The following MAGI3 variants were observed in gnomAD, a reference collection of about 807,000 sequenced individuals.
MAGI3 encodes membrane-associated guanylate kinase, WW and PDZ domain-containing protein 3.
MAGI3 carries 43 observed loss-of-function variants against 121.8 expected under a neutral mutation model. That is an observed-to-expected ratio of 0.35 (90% CI 0.28 to 0.46). MAGI3 has a LOEUF of 0.46. MAGI3 is among the 20% of genes least tolerant of loss of function. The pLI is 1.00. For missense variants in MAGI3, 1,547 were observed against 1,797.3 expected, an observed-to-expected ratio of 0.86 and a Z score of 2.52; for synonymous variants, 553 against 639.3, an observed-to-expected ratio of 0.86 and a Z score of 2.04.
chr1:113,525,157 G>A (rs1658393371), intron 1 of MAGI3, among the ~76,000 whole-genome samples: 1 of 152,162 alleles, frequency 6.6e-6, no homozygotes, highest in Non-Finnish European at 1.5e-5. Context: ...TCCAGTCTCA[G>A]GTTATGTCTT....
At chr1:113,406,128 T>TA (rs1409815652) in intron 1 of MAGI3, among the ~76,000 whole-genome samples, 1 of 151,646 alleles carries the variant, frequency 6.6e-6, no homozygotes, top group African/African-American at 2.4e-5. Context: ...ACCCCATCTT[T>TA]AAAAAAATCA....
intron 6 of MAGI3, among the ~76,000 whole-genome samples, chr1:113,599,506 C>A (rs1649234174): frequency 6.6e-6 from 1 of 152,124 alleles, no homozygotes; most frequent in African/African-American, 2.4e-5. Flanking sequence ...ATACACCCTC[C>A]CAAGACTAAA....
At chr1:113,626,204 A>G (rs1218316468) in intron 9 of MAGI3, among the ~76,000 whole-genome samples, 5 of 152,182 alleles carry the variant, frequency 3.3e-5, no homozygotes, top group Non-Finnish European at 7.3e-5. Context: ...ACCTCAGGTG[A>G]TCCATCTGCT....
rs1293030117 is a variant in MAGI3, at chr1:113,651,025, G to T, written c.2259G>T (p.Gly753=). The T allele has an allele frequency of 2.5e-6, 4 of 1,613,756 alleles. No individual in the cohort carries two copies. The East Asian group carries it at 6.7e-5, about 27-fold the overall frequency. The change falls in exon 14 of 21, where the codon GGG becomes GGT. Residue 753 remains glycine, a synonymous_variant. Coordinates refer to ENST00000307546, the MANE Select transcript of MAGI3 (RefSeq NM_001142782.2). ...GDGPDQSIYI[G]AIIPLGAAEK... is the part of the protein sequence containing the mutation. ...TGTTATCTTATCAGATATATATTGGGGCTATTATTCCCCTGGGAGCAGCTG... is the reference window on the plus strand; with the variant it reads ...TGTTATCTTATCAGATATATATTGGTGCTATTATTCCCCTGGGAGCAGCTG...
At chr1:113,682,309 T>G (rs1340138599) in intron 20 of MAGI3, 1 of 1,587,238 alleles carries the variant, frequency 6.3e-7, no homozygotes, top group South Asian at 1.2e-5. Context: ...CTTGGTAAAT[T>G]TGCATGTCTT....
intron 8 of MAGI3, among the ~76,000 whole-genome samples, chr1:113,622,251 A>T (rs1264849237): frequency 6.6e-6 from 1 of 152,114 alleles, no homozygotes; most frequent in Non-Finnish European, 1.5e-5. Flanking sequence ...GGTTGAGGAG[A>T]AGAGAGAAGA....
chr1:113,617,390 G>A (rs1253071231), intron 7 of MAGI3, among the ~76,000 whole-genome samples: 1 of 152,102 alleles, frequency 6.6e-6, no homozygotes, highest in Non-Finnish European at 1.5e-5. Flanking sequence ...AAAATTTGTT[G>A]TGTCTTAATA....
chr1:113,510,060 C>T (rs1657538814), intron 1 of MAGI3, among the ~76,000 whole-genome samples: 1 of 152,080 alleles, frequency 6.6e-6, no homozygotes, highest in Non-Finnish European at 1.5e-5. Flanking sequence ...TTGGAATGAG[C>T]GTGACACCAT....
intron 1 of MAGI3, among the ~76,000 whole-genome samples, chr1:113,520,646 C>T (rs114955673): frequency 0.023 from 3,530 of 152,060 alleles, 135 homozygotes; most frequent in African/African-American, 0.081. Context: ...ACTCTGTCAC[C>T]TAGGCTAGAG....
intron 2 of MAGI3, among the ~76,000 whole-genome samples, chr1:113,560,527 T>A (rs1570863194): frequency 6.6e-6 from 1 of 152,094 alleles, no homozygotes. Context: ...CTTGGGTAAA[T>A]AATGAAATTA....
intron 9 of MAGI3, among the ~76,000 whole-genome samples, chr1:113,639,497 G>A (rs886534809): frequency 5.9e-5 from 9 of 152,178 alleles, no homozygotes; most frequent in South Asian, 2.1e-4. Flanking sequence ...CGCCTCCTGC[G>A]TTCAAGTGAT....
At chr1:113,587,484 C>A (rs779671195) in intron 4 of MAGI3, among the ~76,000 whole-genome samples, 2 of 152,190 alleles carry the variant, frequency 1.3e-5, no homozygotes, top group Non-Finnish European at 2.9e-5. Context: ...GCGTGAGCCA[C>A]CGTGCCCAGC....
chr1:113,475,243 T>C (rs760205878), intron 1 of MAGI3, among the ~76,000 whole-genome samples: 2 of 152,238 alleles, frequency 1.3e-5, no homozygotes, highest in Non-Finnish European at 2.9e-5. Context: ...TTCTCTTGCC[T>C]GATTGCCCCA....
chr1:113,628,094 C>G (rs1651353130), intron 9 of MAGI3, among the ~76,000 whole-genome samples: 1 of 152,054 alleles, frequency 6.6e-6, no homozygotes. Flanking sequence ...GTGATTGTCT[C>G]TTCCTTATTT....
chr1:113,682,815 A>G lies in MAGI3; in HGVS notation c.3329-82A>G, dbSNP rs932183585. ...CTTTTTAAGCAGTTACGACAATTCA[A>G]ATGGCTGTCAAAGTTCAAAACGTAT... On this transcript the variant is annotated intron_variant, in intron 20 of 20. Coordinates refer to ENST00000307546, the MANE Select transcript of MAGI3 (RefSeq NM_001142782.2). The G allele has an allele frequency of 2.6e-5, 38 of 1,458,810 alleles. No homozygotes were observed. The East Asian group carries it at 6.8e-4, about 26-fold the overall frequency. The allele number at this position is 1,458,810 out of a possible 1,614,324, so 90.4% of individuals were successfully genotyped here.
chr1:113,504,555 CACTT>C (rs1657214245), intron 1 of MAGI3, among the ~76,000 whole-genome samples: 1 of 152,046 alleles, frequency 6.6e-6, no homozygotes, highest in South Asian at 2.1e-4. Context: ...ATAGTCAAAA[CACTT>C]ACTACTTTGG....
intron 9 of MAGI3, among the ~76,000 whole-genome samples, chr1:113,631,887 G>A (rs1651655145): frequency 6.6e-6 from 1 of 152,170 alleles, no homozygotes; most frequent in Admixed American, 6.5e-5. Flanking sequence ...GGCTGGGAGT[G>A]TTTGTGGTTC....
At chr1:113,676,929 T>C (rs2101030472) in intron 19 of MAGI3, among the ~76,000 whole-genome samples, 1 of 152,298 alleles carries the variant, frequency 6.6e-6, no homozygotes, top group South Asian at 2.1e-4. Context: ...TTCTAGATAC[T>C]GAGAGAATTA....
chr1:113,663,244 A>G lies in MAGI3; in HGVS notation c.2815+3979A>G, dbSNP rs1234406856. Among the ~76,000 whole-genome samples, 11 of 150,262 alleles carry G rather than the reference A, an allele frequency of 7.3e-5. No individual in the cohort carries two copies. The South Asian group carries it at 1.3e-3, about 17-fold the overall frequency. On this transcript the variant is annotated intron_variant, in intron 16 of 20. Transcript: ENST00000307546. ...CCATCTCAAAAACAGAAATATATAT[A>G]TATATATATATATGCATTTCAGTGG...
Sources: allele counts gnomAD v4.1 joint callset (sites outside exome capture counted in the v4.1 genomes callset), GRCh38; gene constraint gnomAD v4.1.1; transcripts MANE v1.5; gene names NCBI Gene and HGNC (gene_info 2026-07-23, HGNC 2026-07-21).